The following CASZ1 variants were observed in gnomAD, a reference collection of about 807,000 sequenced individuals.
CASZ1 encodes zinc finger protein castor homolog 1.
CASZ1 carries 28 observed loss-of-function variants against 135.2 expected under a neutral mutation model. That is an observed-to-expected ratio of 0.21 (90% CI 0.15 to 0.28). The LOEUF (loss-of-function observed/expected upper bound fraction) is 0.28. Ranked by LOEUF, CASZ1 falls within the 10% of genes least tolerant of loss-of-function variation. The probability of loss-of-function intolerance (pLI) is 1.00; values close to 1 mark genes in which losing one functional copy is unlikely to be tolerated. For synonymous variants in CASZ1, 1,068 were observed against 1,073.4 expected, an observed-to-expected ratio of 0.99 and a Z score of 0.10; for missense variants, 2,161 against 2,453.3, an observed-to-expected ratio of 0.88 and a Z score of 2.52.
At chr1:10,791,776 T>C (rs1488837319) in intron 1 of CASZ1, among the ~76,000 whole-genome samples, 2 of 152,112 alleles carry the variant, frequency 1.3e-5, no homozygotes, top group Non-Finnish European at 2.9e-5. Flanking sequence ...GAGATGACTT[T>C]CCTTGAATGA....
chr1:10,717,390 T>C lies in CASZ1; in HGVS notation c.-76-11846A>G, dbSNP rs74547301. 7.7e-3 allele frequency among the ~76,000 whole-genome samples: 1,168 copies of C among 152,250 alleles called. 48 individuals carry two copies. The East Asian group carries it at 0.12, about 15-fold the overall frequency. On this transcript the variant is annotated intron_variant, in intron 2 of 20. Transcript: ENST00000377022. The surrounding 1 kb of genome is among the most constrained non-coding windows in gnomAD (Gnocchi z 4.6). ...TGGTGAGTTGTTGGAGGTTTTTTTTTCTTTTCTTTTCTTTTTTGCTATTTA... is the reference window on the plus strand; with the variant it reads ...TGGTGAGTTGTTGGAGGTTTTTTTTCCTTTTCTTTTCTTTTTTGCTATTTA...
rs770001390 is a variant in CASZ1, at chr1:10,656,642, G to C, written c.1500+4C>G. The stretch of plus-strand genomic sequence containing the variant: ...AGGCGGAGCCCATCTGGCTGTGGCC[G>C]TACCTGGTAGTTACACTCAGGGTCA... On this transcript the variant is annotated splice_donor_region_variant and intron_variant, in intron 8 of 20. Coordinates refer to ENST00000377022, the MANE Select transcript of CASZ1 (RefSeq NM_001079843.3). The C allele has an allele frequency of 5.7e-6, 9 of 1,589,584 alleles. No individual in the cohort carries two copies. Among genetic ancestry groups the C allele is most frequent in the Non-Finnish European group, 7.7e-6 (9 of 1,167,604 alleles).
Position 10,739,053 on chromosome 1 carries a change from C to T in CASZ1, c.-77+21648G>A, listed in dbSNP as rs1395501016. The stretch of plus-strand genomic sequence containing the variant: ...GAGAACCAGTCATAGGAAGCTTGGG[C>T]TCTGCTTCTTATTGAGTTCTTTTTT... On this transcript the variant is annotated intron_variant, in intron 2 of 20. Coordinates refer to ENST00000377022, the MANE Select transcript of CASZ1 (RefSeq NM_001079843.3). The surrounding 1 kb of genome is among the most constrained non-coding windows in gnomAD (Gnocchi z 4.8). Among the ~76,000 whole-genome samples, 1 of 150,900 alleles carries T rather than the reference C, an allele frequency of 6.6e-6. No homozygotes were observed. The highest frequency in any genetic ancestry group is 1.5e-5 in the Non-Finnish European group (1 of 67,904).
Position 10,642,843 on chromosome 1 carries a change from C to T in CASZ1, c.4162+16G>A. 1 of 1,610,404 alleles carries T rather than the reference C, an allele frequency of 6.2e-7. No individual in the cohort carries two copies. Among genetic ancestry groups the T allele is most frequent in the African/African-American group, 1.3e-5 (1 of 75,022 alleles). ...GTGGGGCCTGGCCCTGCCAGCAGCC[C>T]CTGCCTGCCGCTCACCTGCCGCGGT... On this transcript the variant is annotated intron_variant, in intron 20 of 20. Transcript: ENST00000377022.
chr1:10,691,094 TCC>T (rs1557509803), intron 4 of CASZ1, among the ~76,000 whole-genome samples: 2 of 96,820 alleles, frequency 2.1e-5, no homozygotes, highest in African/African-American at 7.6e-5. Flanking sequence ...CCTCCCTCCC[TCC>T]CTCTCTTTCC....
intron 2 of CASZ1, among the ~76,000 whole-genome samples, chr1:10,744,200 C>G (rs765603039): frequency 1.3e-5 from 2 of 150,850 alleles, no homozygotes; most frequent in Admixed American, 6.6e-5. Flanking sequence ...CACATTTAAT[C>G]CTGAAACTTG....
At chr1:10,688,252 C>T (rs1412130763) in intron 4 of CASZ1, among the ~76,000 whole-genome samples, 2 of 152,214 alleles carry the variant, frequency 1.3e-5, no homozygotes, top group African/African-American at 4.8e-5. Flanking sequence ...CCCAGAACAG[C>T]AGGCTCGCAG....
At chr1:10,656,850 G>C (rs1007060423) in intron 7 of CASZ1, 114 bp from the exon 8 acceptor site, 1 of 691,362 alleles carries the variant, frequency 1.4e-6, no homozygotes, top group Admixed American at 2.2e-5. Context: ...GCAGAGGGGA[G>C]GTGAAGTTGC....
rs540561707 is a variant in CASZ1 at position 10,707,335 on chromosome 1, C to A, written c.-76-1791G>T. 6.6e-6 allele frequency among the ~76,000 whole-genome samples: 1 copy of A among 152,338 alleles called. No homozygotes were observed. The highest frequency in any genetic ancestry group is 2.1e-4 in the South Asian group (1 of 4,828). On this transcript the variant is annotated intron_variant, in intron 2 of 20. Transcript: ENST00000377022. This position sits in a 1 kb window ranked among gnomAD's most constrained non-coding sequence, Gnocchi z 5.0. Reference sequence around the variant, plus strand: ...AACAGACTGACCGGAATGATAACGACTTGCAGCGCGGTGTTGCCGTCCCCA... The same window carrying A: ...AACAGACTGACCGGAATGATAACGAATTGCAGCGCGGTGTTGCCGTCCCCA...
chr1:10,725,883 A>G lies in CASZ1; in HGVS notation c.-76-20339T>C, dbSNP rs1228014828. ...TTGAGGGGGCCAGAGGGCCTGCCGA[A>G]TGTTCTAGAAGGATGGGCCGGACTT... On this transcript the variant is annotated intron_variant, in intron 2 of 20. Transcript: ENST00000377022. This position sits in a 1 kb window ranked among gnomAD's most constrained non-coding sequence, Gnocchi z 4.4. 1.3e-5 allele frequency among the ~76,000 whole-genome samples: 2 copies of G among 152,100 alleles called. No homozygotes were observed. The highest frequency in any genetic ancestry group is 2.9e-5 in the Non-Finnish European group (2 of 68,014).
At chr1:10,687,496 G>A (rs1262082214) in intron 4 of CASZ1, among the ~76,000 whole-genome samples, 2 of 152,254 alleles carry the variant, frequency 1.3e-5, no homozygotes, top group Admixed American at 6.5e-5. Flanking sequence ...TACCACGCCC[G>A]GGGCAGAGGC....
Position 10,706,691 on chromosome 1 carries a change from C to G in CASZ1, c.-76-1147G>C, listed in dbSNP as rs749463406. Among the ~76,000 whole-genome samples, 1 of 152,164 alleles carries G rather than the reference C, an allele frequency of 6.6e-6. No individual in the cohort carries two copies. Among genetic ancestry groups the G allele is most frequent in the Admixed American group, 6.5e-5 (1 of 15,288 alleles). Reference sequence around the variant, plus strand: ...GGCTCGGCTCTCCACCAGCTTTCGCCGCTTGTGTTGGGCTGCCCGGGCAGA... The same window carrying G: ...GGCTCGGCTCTCCACCAGCTTTCGCGGCTTGTGTTGGGCTGCCCGGGCAGA... On this transcript the variant is annotated intron_variant, in intron 2 of 20. Coordinates refer to ENST00000377022, the MANE Select transcript of CASZ1 (RefSeq NM_001079843.3). The surrounding 1 kb of genome is among the most constrained non-coding windows in gnomAD (Gnocchi z 4.3).
At chr1:10,790,107 C>G (rs778526996) in intron 1 of CASZ1, among the ~76,000 whole-genome samples, 7 of 152,152 alleles carry the variant, frequency 4.6e-5, no homozygotes, top group African/African-American at 1.7e-4. Flanking sequence ...CGCAGAGCGG[C>G]GTGGCAGCCA....
In CASZ1 at chr1:10,666,770, G is replaced by A. The variant is rs577002319; in HGVS notation, c.17-1199C>T. Among the ~76,000 whole-genome samples, 107 of 152,210 alleles carry A rather than the reference G, an allele frequency of 7.0e-4. No homozygotes were observed. Among genetic ancestry groups the A allele is most frequent in the Non-Finnish European group, 1.3e-3 (88 of 68,028 alleles). On this transcript the variant is annotated intron_variant, in intron 4 of 20. Transcript: ENST00000377022. The surrounding 1 kb of genome is among the most constrained non-coding windows in gnomAD (Gnocchi z 5.2). ...CACACAGCCTGGGACCTGCCACAAAGGCTGGCGAGGGTGGACACACACACA... is the reference window on the plus strand; with the variant it reads ...CACACAGCCTGGGACCTGCCACAAAAGCTGGCGAGGGTGGACACACACACA...
In CASZ1 at chr1:10,724,714, G is replaced by A. The variant is rs79100120; in HGVS notation, c.-76-19170C>T. Reference sequence around the variant, plus strand: ...GTCTTCGCTCAGAGGGGCACCCCAAGGGCACTGCCCAGCCAGAGGCAGGGG... The same window carrying A: ...GTCTTCGCTCAGAGGGGCACCCCAAAGGCACTGCCCAGCCAGAGGCAGGGG... On this transcript the variant is annotated intron_variant, in intron 2 of 20. Coordinates refer to ENST00000377022, the MANE Select transcript of CASZ1 (RefSeq NM_001079843.3). This position sits in a 1 kb window ranked among gnomAD's most constrained non-coding sequence, Gnocchi z 4.1. 7.0e-3 allele frequency among the ~76,000 whole-genome samples: 1,061 copies of A among 152,316 alleles called. 38 individuals are homozygous for A. The East Asian group carries it at 0.11, about 15-fold the overall frequency.
rs780322746 is a variant in CASZ1, at chr1:10,709,881, C to T, written c.-76-4337G>A. On this transcript the variant is annotated intron_variant, in intron 2 of 20. Transcript: ENST00000377022. The surrounding 1 kb of genome is among the most constrained non-coding windows in gnomAD (Gnocchi z 5.1). ...CGGCCCGCACAGGCCAGCAGGTGCC[C>T]GATCGAGACAGAGGCCTCGGGAAAG... Among the ~76,000 whole-genome samples the T allele has an allele frequency of 5.3e-5, 8 of 152,174 alleles. No individual in the cohort carries two copies. The highest frequency in any genetic ancestry group is 2.1e-4 in the South Asian group (1 of 4,828).
chr1:10,648,875 T>C (rs574435253), intron 15 of CASZ1, 195 bp downstream of exon 15: 112 of 706,592 alleles, frequency 1.6e-4, no homozygotes, highest in Middle Eastern at 4.2e-4. Context: ...GGACAGGGGC[T>C]CAGAGCCCCC....
intron 2 of CASZ1, among the ~76,000 whole-genome samples, chr1:10,748,539 G>A (rs116449560): frequency 0.023 from 3,571 of 152,244 alleles, 143 homozygotes; most frequent in African/African-American, 0.079. Context: ...CAGAGTGACG[G>A]CCATGTCTAT....
chr1:10,648,058 A>G lies in CASZ1; in HGVS notation c.3240T>C (p.Pro1080=). The stretch of plus-strand genomic sequence containing the variant: ...CCGGAGGGGACGAGGGGGCCATGGG[A>G]GGTTTGGTCTCGGCGGCCGAGGCCG... ...AFPASAAETK[P]PMAPSSPPVP... Residue 1080 remains proline, a synonymous_variant, in exon 16 of 21, where the codon CCT becomes CCC. Transcript: ENST00000377022. 1 of 1,596,868 alleles carries G rather than the reference A, an allele frequency of 6.3e-7. No homozygotes were observed. The highest frequency in any genetic ancestry group is 8.5e-7 in the Non-Finnish European group (1 of 1,172,246).
Sources: gnomAD v4.1 joint callset for allele counts (sites outside exome capture counted in the v4.1 genomes callset) on GRCh38, gnomAD v4.1.1 for gene constraint, Gnocchi (gnomAD v3.1) non-coding constraint, MANE v1.5 for transcripts, NCBI Gene and HGNC (gene_info 2026-07-23, HGNC 2026-07-21) for gene names.